SLC29A1: variants seen among roughly 807,000 people sequenced by gnomAD.
SLC29A1 encodes the protein solute carrier family 29 member 1 (Augustine blood group).
In SLC29A1, 22 loss-of-function variants were observed where a neutral mutation model predicts 48.3. The ratio of observed to expected loss-of-function variants is 0.46; its 90% CI spans 0.33 to 0.65. The LOEUF (loss-of-function observed/expected upper bound fraction) is 0.65, where lower values mean the gene tolerates loss of function less well. SLC29A1 is among the 30% of genes least tolerant of loss of function. The pLI, the probability that SLC29A1 is intolerant of heterozygous loss-of-function variation, is 0.03. For synonymous variants in SLC29A1, 228 were observed against 231.0 expected (o/e 0.99, Z 0.12); for missense variants, 491 against 575.3 (o/e 0.85, Z 1.50).
At position 44,232,787 on chromosome 6, in the gene SLC29A1, G is replaced by T; in HGVS notation, c.1060-20G>T. The T allele has an allele frequency of 1.2e-5, 20 of 1,605,044 alleles. No individual in the cohort carries two copies. Among genetic ancestry groups the T allele is most frequent in the Non-Finnish European group, 1.7e-5 (20 of 1,178,992 alleles). ...CCCTGGGGTGGCGGCCTGGGCTGAG[G>T]CCCTGCCTGGTGCCCACAGCCTGGG... On this transcript the variant is annotated intron_variant, in intron 11 of 12. Transcript: ENST00000371755. The surrounding 1 kb of genome is among the most constrained non-coding windows in gnomAD (Gnocchi z 4.7).
In SLC29A1 at chr6:44,226,501, G is replaced by T. The variant is rs370925613; in HGVS notation, c.-51-762G>T. On this transcript the variant is annotated intron_variant, in intron 1 of 12. Transcript: ENST00000371755. ...GACTAGGTGACCCTGGGGTCGGGAG[G>T]GGGGAGGGGGAAGGGCTGTGCCCCC... 1.4e-3 allele frequency: 216 copies of T among 153,762 alleles called. 2 individuals are homozygous for T. The South Asian group carries it at 0.027, about 19-fold the overall frequency. The allele number at this position is 153,762 out of a possible 1,614,324, so 9.5% of individuals were successfully genotyped here. A position where few individuals can be genotyped will look rare whatever the true frequency, so the allele number is the denominator to read the frequency against.
rs1374524579 is a variant in SLC29A1 at position 44,230,363 on chromosome 6, G to T, written c.471G>T (p.Leu157=). 39 of 1,613,256 alleles carry T rather than the reference G, an allele frequency of 2.4e-5. No homozygotes were observed. The highest frequency in any genetic ancestry group is 3.3e-5 in the Non-Finnish European group (39 of 1,179,286). The change falls in exon 6 of 13, where the codon CTG becomes CTT. Residue 157 remains leucine, a synonymous_variant. Coordinates refer to ENST00000371755, the MANE Select transcript of SLC29A1 (RefSeq NM_001372327.1). ...TTTCCCCAGCATTTGGTGCCATCCT[G>T]CAGGGCAGCCTGTTTGGTCTGGCTG... The part of the protein sequence containing the change: ...IVLINSFGAI[L]QGSLFGLAGL...
chr6:44,221,626 C>G, upstream of SLC29A1: 2 of 1,289,682 alleles, frequency 1.6e-6, no homozygotes, highest in Non-Finnish European at 2.0e-6. The surrounding 1 kb of genome is among the most constrained non-coding windows in gnomAD (Gnocchi z 4.2). Flanking sequence ...GCCAGAAGAC[C>G]AGGCAGAGAC....
upstream of SLC29A1, chr6:44,223,454 G>C: frequency 1.2e-6 from 1 of 830,676 alleles, no homozygotes; most frequent in Non-Finnish European, 1.5e-6. This position sits in a 1 kb window ranked among gnomAD's most constrained non-coding sequence, Gnocchi z 5.0. Flanking sequence ...GGGAGCGGCG[G>C]AGCGCGCGGA....
chr6:44,230,864 G>C lies in SLC29A1; in HGVS notation c.741G>C (p.Glu247Asp). 6.2e-7 allele frequency: 1 copy of C among 1,614,112 alleles called. No individual in the cohort carries two copies. Among genetic ancestry groups the C allele is most frequent in the Non-Finnish European group, 8.5e-7 (1 of 1,179,976 alleles). The change falls in exon 8 of 13, where the codon GAG (glutamate) becomes GAC (aspartate). Residue 247 changes from glutamate to aspartate, a missense_variant. Glu to Asp is a conservative substitution (Grantham distance 45, BLOSUM62 2). Transcript: ENST00000371755. ...AGCTTGAAGGACCCGGGGAGCAGGA[G>C]ACCAAGTTGGACCTCATTAGCAAAG... ...QLKLEGPGEQETKLDLISKGE... is the reference protein window; with the variant it reads ...QLKLEGPGEQDTKLDLISKGE...
intron 9 of SLC29A1, among the ~76,000 whole-genome samples, 178 bp downstream of exon 9, chr6:44,231,639 T>C (rs930940245): frequency 2.6e-5 from 4 of 152,068 alleles, no homozygotes; most frequent in African/African-American, 9.7e-5. Context: ...CGTGGTTCCT[T>C]TTTTTTGAGA....
chr6:44,229,701 C>T lies in SLC29A1; in HGVS notation c.224C>T (p.Ser75Phe), dbSNP rs937128970. Residue 75 changes from serine to phenylalanine, a missense_variant, in exon 4 of 13, where the codon TCT becomes TTT. Physicochemically the swap from Ser to Phe is radical, Grantham distance 155. Coordinates refer to ENST00000371755, the MANE Select transcript of SLC29A1 (RefSeq NM_001372327.1). The surrounding 1 kb of genome is among the most constrained non-coding windows in gnomAD (Gnocchi z 5.1). ...GCAGCACCCTTGCCTGAGCGGAACT[C>T]TCTCAGTGCCATCTTCAACAATGTC... ...APAAPLPERNSLSAIFNNVMT... is the reference protein window; with the variant it reads ...APAAPLPERNFLSAIFNNVMT... 2 of 1,613,948 alleles carry T rather than the reference C, an allele frequency of 1.2e-6. No individual in the cohort carries two copies. The highest frequency in any genetic ancestry group is 2.7e-5 in the African/African-American group (2 of 74,940).
chr6:44,229,258 C>A lies in SLC29A1; in HGVS notation c.30-132C>A, dbSNP rs324149. 1 of 751,848 alleles carries A rather than the reference C, an allele frequency of 1.3e-6. No homozygotes were observed. The highest frequency in any genetic ancestry group is 2.5e-5 in the East Asian group (1 of 40,792). 46.6% of individuals were successfully genotyped at this position (751,848 alleles called of 1,614,324 possible). ...ACACCCATAAGAGGACACATGCAAA[C>A]GGACACAAACACAGACGCCCTGTGC... is the stretch of plus-strand genomic sequence containing the variant. On this transcript the variant is annotated intron_variant, in intron 2 of 12. Coordinates refer to ENST00000371755, the MANE Select transcript of SLC29A1 (RefSeq NM_001372327.1). The surrounding 1 kb of genome is among the most constrained non-coding windows in gnomAD (Gnocchi z 5.1).
chr6:44,228,388 T>C (rs1778046033), intron 2 of SLC29A1, among the ~76,000 whole-genome samples: 1 of 152,244 alleles, frequency 6.6e-6, no homozygotes, highest in Non-Finnish European at 1.5e-5. Flanking sequence ...CTTTAGCTTC[T>C]CCAAGGGAAG....
intron 1 of SLC29A1, chr6:44,224,043 TGCAGGCTCGCGA>T (rs1561874448): frequency 6.4e-4 from 19 of 29,908 alleles, no homozygotes; most frequent in Admixed American, 1.8e-3. Flanking sequence ...CGAGCGGAGG[TGCAGGCTCGCGA>T]GCGGAGGTGC....
At chr6:44,225,674 G>A (rs999364192) in intron 1 of SLC29A1, 2 of 152,166 alleles carry the variant, frequency 1.3e-5, no homozygotes, top group African/African-American at 4.8e-5. Flanking sequence ...GTAAATATTT[G>A]TCGAAGGCCT....
At position 44,233,779 on chromosome 6, in the gene SLC29A1, C is replaced by T. The variant is rs1779392619; in HGVS notation, c.*251C>T. ...CTCGGCATTTGCTTGAGTTTCTCCA[C>T]TCTTGGCTCTGACTGATCCCTGCTT... On this transcript the variant is annotated 3_prime_UTR_variant, in exon 13 of 13. Transcript: ENST00000371755. The T allele has an allele frequency of 3.8e-6, 2 of 530,980 alleles. No homozygotes were observed. The highest frequency in any genetic ancestry group is 3.4e-6 in the Non-Finnish European group (1 of 295,032). The allele number at this position is 530,980 out of a possible 1,614,324, so 32.9% of individuals were successfully genotyped here. A position where few individuals can be genotyped will look rare whatever the true frequency, so the allele number is the denominator to read the frequency against.
At chr6:44,227,535 A>G (rs1156578961) in intron 2 of SLC29A1, among the ~76,000 whole-genome samples, 193 bp downstream of exon 2, 3 of 152,214 alleles carry the variant, frequency 2.0e-5, no homozygotes, top group Non-Finnish European at 4.4e-5. Flanking sequence ...CGGGAAGGGC[A>G]GGGTGCGTGG....
At chr6:44,227,669 T>C (rs2153289205) in intron 2 of SLC29A1, among the ~76,000 whole-genome samples, 1 of 152,364 alleles carries the variant, frequency 6.6e-6, no homozygotes, top group Non-Finnish European at 1.5e-5. Context: ...CCAATGCACA[T>C]CTGGCAGAAC....
At chr6:44,222,407 CCTGT>C (rs754530435), upstream of SLC29A1, among the ~76,000 whole-genome samples, 1 of 152,058 alleles carries the variant, frequency 6.6e-6, no homozygotes, top group South Asian at 2.1e-4. Flanking sequence ...TCCTTAGGGC[CCTGT>C]CTGTTTCTCT....
intron 2 of SLC29A1, 38 bp downstream of exon 2, chr6:44,227,380 G>A (rs747996395): frequency 3.2e-6 from 5 of 1,554,796 alleles, no homozygotes; most frequent in Non-Finnish European, 3.5e-6. Context: ...TCCAGGGAAT[G>A]GGTTTTCAGG....
chr6:44,231,986 C>T lies in SLC29A1; in HGVS notation c.865-12C>T. ...ACACAGGCATTTGGGTGACTCTACC[C>T]CTTCTATCTAGATCTCAGTCCTGGC... On this transcript the variant is annotated splice_polypyrimidine_tract_variant and intron_variant, in intron 9 of 12. Coordinates refer to ENST00000371755, the MANE Select transcript of SLC29A1 (RefSeq NM_001372327.1). The T allele has an allele frequency of 6.3e-7, 1 of 1,591,186 alleles. No homozygotes were observed.
rs1779347323 is a variant in SLC29A1, at chr6:44,233,436, G to A, written c.1279G>A (p.Ala427Thr). The change falls in exon 13 of 13, where the codon GCA (alanine) becomes ACA (threonine). Residue 427 changes from alanine to threonine, a missense_variant. Ala to Thr is a moderately conservative substitution (Grantham distance 58). Transcript: ENST00000371755. ...GCTTAGGAAAGTGAAGCCAGCTGAG[G>A]CAGAGACCGCAGGAGCCATCATGGC... The part of the protein sequence containing the change: ...FGPKKVKPAE[A>T]ETAGAIMAFF... The A allele has an allele frequency of 1.2e-6, 2 of 1,614,050 alleles. No homozygotes were observed. Among genetic ancestry groups the A allele is most frequent in the East Asian group, 2.2e-5 (1 of 44,880 alleles).
Position 44,229,334 on chromosome 6 carries a change from T to G in SLC29A1, c.30-56T>G. On this transcript the variant is annotated intron_variant, in intron 2 of 12. Coordinates refer to ENST00000371755, the MANE Select transcript of SLC29A1 (RefSeq NM_001372327.1). This position sits in a 1 kb window ranked among gnomAD's most constrained non-coding sequence, Gnocchi z 5.1. Reference sequence around the variant, plus strand: ...GGACAGGGGCTTTCCTGGGGCTCATTGTGGAGTGGGGCAGGATGGTGCGTC... The same window carrying G: ...GGACAGGGGCTTTCCTGGGGCTCATGGTGGAGTGGGGCAGGATGGTGCGTC... 7.4e-7 allele frequency: 1 copy of G among 1,359,042 alleles called. No individual in the cohort carries two copies. The highest frequency in any genetic ancestry group is 1.1e-6 in the Non-Finnish European group (1 of 946,880). 84.2% of individuals were successfully genotyped at this position (1,359,042 alleles called of 1,614,324 possible). A position where few individuals can be genotyped will look rare whatever the true frequency, so the allele number is the denominator to read the frequency against.
Sources: allele counts gnomAD v4.1 joint callset (sites outside exome capture counted in the v4.1 genomes callset), GRCh38; gene constraint gnomAD v4.1.1; non-coding constraint Gnocchi (gnomAD v3.1); transcripts MANE v1.5; gene names NCBI Gene and HGNC (gene_info 2026-07-23, HGNC 2026-07-21).